The following TSBP1 variants were observed in gnomAD, a reference collection of about 807,000 sequenced individuals.
TSBP1 encodes the protein testis-expressed basic protein 1.
In TSBP1, 56 loss-of-function variants were observed where a neutral mutation model predicts 68.8. The ratio of observed to expected loss-of-function variants is 0.81; its 90% CI spans 0.66 to 1.02. TSBP1 has a LOEUF of 1.02. Among genes scored for constraint, TSBP1 ranks in the 50% least tolerant of loss-of-function variants. The probability of loss-of-function intolerance (pLI) is 0.00; values close to 1 mark genes in which losing one functional copy is unlikely to be tolerated. For synonymous variants in TSBP1, 171 were observed against 208.7 expected, an observed-to-expected ratio of 0.82 and a Z score of 1.56; for missense variants, 502 against 641.2, an observed-to-expected ratio of 0.78 and a Z score of 2.34.
exon 1 of TSBP1, chr6:32,371,888 G>A: frequency 1.5e-6 from 1 of 653,866 alleles, no homozygotes; most frequent in East Asian, 2.7e-5. Context: ...AGATTGATCA[G>A]ACCTAAGCAA....
chr6:32,315,771 C>A lies in TSBP1; in HGVS notation c.580+1G>T. 1 of 1,513,840 alleles carries A rather than the reference C, an allele frequency of 6.6e-7. No homozygotes were observed. The highest frequency in any genetic ancestry group is 8.9e-7 in the Non-Finnish European group (1 of 1,126,448). The allele number at this position is 1,513,840 out of a possible 1,614,324, so 93.8% of individuals were successfully genotyped here. On this transcript the variant is annotated splice_donor_variant, in intron 19 of 22. Coordinates refer to ENST00000612031, the Ensembl canonical transcript of TSBP1. LOFTEE classifies it high-confidence loss of function. The surrounding 1 kb of genome is among the most constrained non-coding windows in gnomAD (Gnocchi z 5.4). ...GACCAGCTGAGAAATAAAGAACTTA[C>A]TTGCAGTTCTCTGCGAAATTACTAA... is the stretch of plus-strand genomic sequence containing the variant.
intron 10 of TSBP1, 67 bp downstream of exon 11, chr6:32,339,533 C>A: frequency 1.2e-6 from 1 of 841,300 alleles, no homozygotes. Flanking sequence ...CACATGTATC[C>A]CATAAATTTG....
intron 9 of TSBP1, among the ~76,000 whole-genome samples, chr6:32,341,744 T>C (rs1770383885): frequency 6.6e-6 from 1 of 152,220 alleles, no homozygotes; most frequent in Non-Finnish European, 1.5e-5. Flanking sequence ...AATTAAAACC[T>C]GTGAGTAATA....
Position 32,299,952 on chromosome 6 carries a change from A to C in TSBP1, c.623-16T>G. ...GGAGTCAGTGCTAAAAACAAAACAC[A>C]AAAGAAAGATCAGTGAGGATTTTCT... On this transcript the variant is annotated splice_polypyrimidine_tract_variant and intron_variant, in intron 21 of 22. Transcript: ENST00000612031. 6.2e-7 allele frequency: 1 copy of C among 1,606,348 alleles called. No individual in the cohort carries two copies. The highest frequency in any genetic ancestry group is 1.1e-5 in the South Asian group (1 of 90,908).
intron 6 of TSBP1, among the ~76,000 whole-genome samples, chr6:32,360,224 T>C (rs1300833233): frequency 1.3e-5 from 2 of 152,228 alleles, no homozygotes; most frequent in Non-Finnish European, 2.9e-5. Flanking sequence ...ACCTTTCTGC[T>C]GAGTTCAACT....
chr6:32,326,080 T>C (rs1394129451), intron 16 of TSBP1: 3 of 1,403,062 alleles, frequency 2.1e-6, no homozygotes, highest in Non-Finnish European at 3.0e-6. Context: ...CTGTGGCCTC[T>C]ATGGTGGTGG....
At chr6:32,341,063 T>C (rs1377818104) in intron 9 of TSBP1, among the ~76,000 whole-genome samples, 1 of 152,212 alleles carries the variant, frequency 6.6e-6, no homozygotes, top group African/African-American at 2.4e-5. Context: ...CCCAAAGTGC[T>C]GGGATTACAG....
chr6:32,370,407 G>GTGTGTA (rs1241237254), intron 1 of TSBP1, among the ~76,000 whole-genome samples: 2 of 130,688 alleles, frequency 1.5e-5, no homozygotes, highest in East Asian at 2.2e-4. Flanking sequence ...AAGATTTTCT[G>GTGTGTA]TATATATATA....
rs140147638 is a variant in TSBP1 at position 32,371,777 on chromosome 6, C to T, written c.-71G>A. ...TTGTCAGAGAGAGATCAAGGTAAAACGAAAAACTCAAGTTCACTGTTTCTG... is the reference window on the plus strand; with the variant it reads ...TTGTCAGAGAGAGATCAAGGTAAAATGAAAAACTCAAGTTCACTGTTTCTG... On this transcript the variant is annotated 5_prime_UTR_variant, in exon 1 of 23. Coordinates refer to ENST00000612031, the Ensembl canonical transcript of TSBP1. 7,806 of 1,595,762 alleles carry T rather than the reference C, an allele frequency of 4.9e-3. 28 individuals are homozygous for T. Among genetic ancestry groups the T allele is most frequent in the Non-Finnish European group, 5.5e-3 (6,366 of 1,164,460 alleles).
rs557862497 is a variant in TSBP1, at chr6:32,316,474, G to C, written c.560-682C>G. 35 of 1,405,340 alleles carry C rather than the reference G, an allele frequency of 2.5e-5. No individual in the cohort carries two copies. The African/African-American group carries it at 4.9e-4, about 20-fold the overall frequency. 87.1% of individuals were successfully genotyped at this position (1,405,340 alleles called of 1,614,324 possible). ...AAAGGAGCAAGTTTCCTTCTAGGGA[G>C]AGATATTTGTGTTGGGGAGAATCTT... On this transcript the variant is annotated intron_variant, in intron 18 of 22. Coordinates refer to ENST00000612031, the Ensembl canonical transcript of TSBP1. This position sits in a 1 kb window ranked among gnomAD's most constrained non-coding sequence, Gnocchi z 4.5.
In TSBP1 at chr6:32,341,022, C is replaced by T. The variant is rs557119500; in HGVS notation, c.350-1384G>A. Among the ~76,000 whole-genome samples the T allele has an allele frequency of 3.9e-5, 6 of 152,274 alleles. No individual in the cohort carries two copies. The South Asian group carries it at 1.2e-3, about 32-fold the overall frequency. ...TGTTGGCCAGGCTGGTCTCAAACTCCTGGCCTTGAGTGATCCCCTCACCTC... is the reference window on the plus strand; with the variant it reads ...TGTTGGCCAGGCTGGTCTCAAACTCTTGGCCTTGAGTGATCCCCTCACCTC... On this transcript the variant is annotated intron_variant, in intron 9 of 22. Transcript: ENST00000612031.
At chr6:32,370,856 A>ACT (rs149349850) in intron 1 of TSBP1, among the ~76,000 whole-genome samples, 1 of 9,646 alleles carries the variant, frequency 1.0e-4, no homozygotes, top group Non-Finnish European at 2.3e-4. Flanking sequence ...AAAAAAGAAA[A>ACT]GAGAGAGAGA....
At chr6:32,347,027 A>C (rs186271744) in intron 9 of TSBP1, among the ~76,000 whole-genome samples, 1 of 152,220 alleles carries the variant, frequency 6.6e-6, no homozygotes, top group Non-Finnish European at 1.5e-5. Context: ...GGAAATGGAT[A>C]TGTTAACAGC....
rs886407994 is a variant in TSBP1, at chr6:32,365,227, C to G, written c.217+940G>C. Reference sequence around the variant, plus strand: ...TTCTAAGATTGTGCTTTCTCTCAATCCTGCAAAGCCAGTCCAGGTTCTGAG... The same window carrying G: ...TTCTAAGATTGTGCTTTCTCTCAATGCTGCAAAGCCAGTCCAGGTTCTGAG... On this transcript the variant is annotated intron_variant, in intron 6 of 22. Coordinates refer to ENST00000612031, the Ensembl canonical transcript of TSBP1. The surrounding 1 kb of genome is among the most constrained non-coding windows in gnomAD (Gnocchi z 4.3). 1 of 430,912 alleles carries G rather than the reference C, an allele frequency of 2.3e-6. No homozygotes were observed. Among genetic ancestry groups the G allele is most frequent in the African/African-American group, 2.0e-5 (1 of 49,146 alleles). The allele number at this position is 430,912 out of a possible 1,614,324, so 26.7% of individuals were successfully genotyped here.
intron 9 of TSBP1, among the ~76,000 whole-genome samples, chr6:32,348,770 G>A (rs1200839015): frequency 6.6e-6 from 1 of 152,072 alleles, no homozygotes; most frequent in African/African-American, 2.4e-5. Context: ...TGTAATATCT[G>A]TAAATAGTCA....
intron 18 of TSBP1, among the ~76,000 whole-genome samples, chr6:32,319,349 G>C (rs1309418766): frequency 6.6e-6 from 1 of 151,858 alleles, no homozygotes; most frequent in Non-Finnish European, 1.5e-5. Context: ...TTAGTTTCAG[G>C]CCTCTTAACT....
chr6:32,328,471 A>C (rs1226222253), intron 16 of TSBP1, among the ~76,000 whole-genome samples: 2 of 151,684 alleles, frequency 1.3e-5, no homozygotes, highest in Non-Finnish European at 2.9e-5. Flanking sequence ...GCTGGAGTGC[A>C]GTGGTGAGAT....
chr6:32,334,253 AC>A (rs1412746849), intron 14 of TSBP1, among the ~76,000 whole-genome samples: 2 of 151,030 alleles, frequency 1.3e-5, no homozygotes, highest in African/African-American at 4.9e-5. Flanking sequence ...TTTTCTTCCT[AC>A]TTTTGTTCTT....
chr6:32,323,599 G>A (rs1412140327), exon 17 of TSBP1: 3 of 1,612,216 alleles, frequency 1.9e-6, no homozygotes, highest in Non-Finnish European at 2.5e-6. Flanking sequence ...ACCGCGGGGT[G>A]CTGAAGGTGG....
Sources: allele counts gnomAD v4.1 joint callset (sites outside exome capture counted in the v4.1 genomes callset), GRCh38; gene constraint gnomAD v4.1.1; non-coding constraint Gnocchi (gnomAD v3.1); transcripts MANE v1.5; gene names NCBI Gene and HGNC (gene_info 2026-07-23, HGNC 2026-07-21).